RBM25: variants seen among roughly 807,000 people sequenced by gnomAD.
RBM25 encodes RNA binding motif protein 25, also known as RNA-binding protein 25.
A neutral mutation model predicts 120.7 loss-of-function variants in RBM25; 19 were observed. The observed-to-expected ratio is 0.16, with a 90% CI of 0.11 to 0.23. The LOEUF (loss-of-function observed/expected upper bound fraction) is 0.23. Among genes scored for constraint, RBM25 ranks in the 10% least tolerant of loss-of-function variants. RBM25 has a pLI of 1.00. For synonymous variants in RBM25, 390 were observed against 326.7 expected (o/e 1.19, Z -2.09); for missense variants, 605 against 1,041.5 (o/e 0.58, Z 5.77).
At chr14:73,083,624 T>A in intron 5 of RBM25, 73 bp downstream of exon 5, 1 of 1,054,972 alleles carries the variant, frequency 9.5e-7, no homozygotes, top group Non-Finnish European at 1.4e-6. Flanking sequence ...TTGCATGACT[T>A]AACTCTCATT....
chr14:73,105,757 T>G, intron 10 of RBM25, 102 bp from the exon 11 acceptor site: 2 of 1,508,758 alleles, frequency 1.3e-6, no homozygotes, highest in Non-Finnish European at 1.8e-6. Flanking sequence ...TTCTGGCCTG[T>G]GAGATTTTAT....
intron 6 of RBM25, 135 bp downstream of exon 6, chr14:73,088,296 AT>A: frequency 8.8e-7 from 1 of 1,141,972 alleles, no homozygotes; most frequent in Non-Finnish European, 1.3e-6. Flanking sequence ...GTAGGAGGGT[AT>A]TTTATAGTTT....
chr14:73,068,665 C>A, intron 1 of RBM25: 1 of 356,774 alleles, frequency 2.8e-6, no homozygotes, highest in Non-Finnish European at 5.4e-6. Flanking sequence ...GCGCCAGGGA[C>A]GCACGCTTCC....
chr14:73,069,331 C>T (rs1357179764), intron 1 of RBM25, among the ~76,000 whole-genome samples: 1 of 152,172 alleles, frequency 6.6e-6, no homozygotes. Flanking sequence ...AAGAGCACAG[C>T]AGTAGATACC....
At chr14:73,082,435 G>C (rs1247874631) in intron 4 of RBM25, among the ~76,000 whole-genome samples, 1 of 152,130 alleles carries the variant, frequency 6.6e-6, no homozygotes, top group African/African-American at 2.4e-5. Flanking sequence ...GGGACCACTG[G>C]TGTGTGCCAC....
rs60336075 is a variant in RBM25, at chr14:73,094,810, G to GGTGTGTGTGTGT, written c.544-2084_544-2073dup. Reference sequence around the variant, plus strand: ...CAAAATGCTGGGATTACAGGAGCGAGGTGTGTGTGTGTGTGTGTGTGTGTG... The same window carrying GGTGTGTGTGTGT: ...CAAAATGCTGGGATTACAGGAGCGAGGTGTGTGTGTGTGTGTGTGTGTGTGTGTGTGTGTGTG... On this transcript the variant is annotated intron_variant, in intron 6 of 18. Coordinates refer to ENST00000261973, the MANE Select transcript of RBM25 (RefSeq NM_021239.3). 7.6e-5 allele frequency among the ~76,000 whole-genome samples: 11 copies of GGTGTGTGTGTGT among 145,168 alleles called. 1 individual carries two copies. Among genetic ancestry groups the GGTGTGTGTGTGT allele is most frequent in the Middle Eastern group, 6.7e-3 (2 of 298 alleles).
At position 73,110,940 on chromosome 14, in the gene RBM25, TGGAAGA is replaced by T. The variant is rs2140462373; in HGVS notation, c.1812_1817del (p.Glu605_Glu606del). 2 of 1,612,424 alleles carry T rather than the reference TGGAAGA, an allele frequency of 1.2e-6. No homozygotes were observed. Among genetic ancestry groups the T allele is most frequent in the Admixed American group, 1.7e-5 (1 of 59,618 alleles). The stretch of plus-strand genomic sequence containing the variant: ...AAAGAAGAAAAACGAGAAGAACCCA[TGGAAGA>T]GGAAGAGGAGCCAGAGCAAAAGCCT... On this transcript the variant is annotated inframe_deletion, in exon 15 of 19. Transcript: ENST00000261973.
intron 5 of RBM25, among the ~76,000 whole-genome samples, chr14:73,086,543 A>G (rs556581948): frequency 8.5e-4 from 129 of 151,748 alleles, no homozygotes; most frequent in Non-Finnish European, 1.6e-3. Flanking sequence ...CTGTTTTGTC[A>G]TATATTTGTA....
At chr14:73,109,710 G>A (rs1445512198) in intron 14 of RBM25, among the ~76,000 whole-genome samples, 1 of 151,868 alleles carries the variant, frequency 6.6e-6, no homozygotes. Flanking sequence ...GGAGAATGGC[G>A]TGAACCCGGG....
chr14:73,072,477 A>G (rs1419318416), intron 2 of RBM25, among the ~76,000 whole-genome samples: 1 of 152,210 alleles, frequency 6.6e-6, no homozygotes, highest in Non-Finnish European at 1.5e-5. Flanking sequence ...ATAAGTCAAT[A>G]TAAGTAAAGA....
chr14:73,100,205 G>T (rs1896031092), intron 9 of RBM25: 2 of 589,322 alleles, frequency 3.4e-6, no homozygotes, highest in Admixed American at 5.3e-5. Context: ...TAAACAGTAG[G>T]TCAGTGGTTA....
At chr14:73,114,658 G>C (rs564793243) in intron 18 of RBM25, among the ~76,000 whole-genome samples, 1 of 152,318 alleles carries the variant, frequency 6.6e-6, no homozygotes, top group Admixed American at 6.5e-5. Context: ...GTACTTGGGA[G>C]GCTGAGGCGG....
At chr14:73,119,623 G>A in intron 18 of RBM25, 90 bp from the exon 19 acceptor site, 1 of 1,573,190 alleles carries the variant, frequency 6.4e-7, no homozygotes, top group African/African-American at 1.4e-5. Context: ...ATTGTCAGTG[G>A]ATGAAAAACT....
chr14:73,110,652 C>T (rs214289), intron 14 of RBM25, among the ~76,000 whole-genome samples, 179 bp from the exon 15 acceptor site: 2 of 152,130 alleles, frequency 1.3e-5, no homozygotes, highest in Non-Finnish European at 2.9e-5. Flanking sequence ...TGGTCTCAAA[C>T]TCCTGACCTC....
chr14:73,106,032 G>A lies in RBM25; in HGVS notation c.1328G>A (p.Arg443Gln), dbSNP rs917419694. 4 of 1,610,166 alleles carry A rather than the reference G, an allele frequency of 2.5e-6. No individual in the cohort carries two copies. Among genetic ancestry groups the A allele is most frequent in the Non-Finnish European group, 2.5e-6 (3 of 1,179,198 alleles). ...REEDEEDAYERRKLERKLREK... is the reference protein window; with the variant it reads ...REEDEEDAYEQRKLERKLREK... ...GAAGATGAAGAAGATGCATACGAACGAAGAAAACTTGAAAGAAAACTCCGA... is the reference window on the plus strand; with the variant it reads ...GAAGATGAAGAAGATGCATACGAACAAAGAAAACTTGAAAGAAAACTCCGA... The change falls in exon 11 of 19, where the codon CGA (arginine) becomes CAA (glutamine). Residue 443 changes from arginine to glutamine, a missense_variant. By Grantham distance (43) the Arg-to-Gln change is conservative. Coordinates refer to ENST00000261973, the MANE Select transcript of RBM25 (RefSeq NM_021239.3).
chr14:73,064,501 T>A (rs1895079566), intron 1 of RBM25, among the ~76,000 whole-genome samples: 1 of 150,942 alleles, frequency 6.6e-6, no homozygotes, highest in Admixed American at 6.6e-5. Flanking sequence ...TTTAAGCAAT[T>A]CTCCTGCCTC....
chr14:73,106,750 AT>A (rs1433273661), intron 12 of RBM25, among the ~76,000 whole-genome samples: 2 of 152,010 alleles, frequency 1.3e-5, no homozygotes, highest in African/African-American at 4.8e-5. Context: ...CTTAAAAACT[AT>A]TTCTTATAGT....
chr14:73,118,912 G>GCA (rs1394657684), intron 18 of RBM25, among the ~76,000 whole-genome samples: 1 of 151,966 alleles, frequency 6.6e-6, no homozygotes, highest in Non-Finnish European at 1.5e-5. Context: ...GGGATTACAG[G>GCA]TGCCGGCCAC....
At chr14:73,068,717 A>G (rs1895203588) in intron 1 of RBM25, 4 of 300,978 alleles carry the variant, frequency 1.3e-5, no homozygotes, top group African/African-American at 2.2e-5. Flanking sequence ...CCAGCCTCTC[A>G]TTACTGCAGC....
Sources: allele counts gnomAD v4.1 joint callset (sites outside exome capture counted in the v4.1 genomes callset), GRCh38; gene constraint gnomAD v4.1.1; transcripts MANE v1.5; gene names NCBI Gene and HGNC (gene_info 2026-07-23, HGNC 2026-07-21).